The following DIPK1A variants were observed in gnomAD, a reference collection of about 807,000 sequenced individuals.
The protein encoded by DIPK1A is family with sequence similarity 69 member A.
DIPK1A carries 27 observed loss-of-function variants against 40.8 expected under a neutral mutation model. The observed-to-expected ratio is 0.66, with a 90% confidence interval of 0.49 to 0.91. The LOEUF (loss-of-function observed/expected upper bound fraction) is 0.91, where lower values mean the gene tolerates loss of function less well. DIPK1A is among the 40% of genes least tolerant of loss of function. The probability of loss-of-function intolerance (pLI) is 0.00; values close to 1 mark genes in which losing one functional copy is unlikely to be tolerated. For missense variants in DIPK1A, 412 were observed against 505.7 expected (o/e 0.81, Z 1.78); for synonymous variants, 166 against 171.3 (o/e 0.97, Z 0.24).
chr1:92,920,002 C>T (rs934634381), intron 1 of DIPK1A, among the ~76,000 whole-genome samples: 24 of 152,174 alleles, frequency 1.6e-4, no homozygotes, highest in African/African-American at 5.8e-4. Context: ...CAACTTGAGA[C>T]CCTATAGAAC....
intron 1 of DIPK1A, among the ~76,000 whole-genome samples, chr1:92,945,482 A>G (rs993913573): frequency 6.6e-6 from 1 of 152,170 alleles, no homozygotes; most frequent in Non-Finnish European, 1.5e-5. Context: ...AAGTAGTCCT[A>G]ACATAGAGTT....
intron 1 of DIPK1A, among the ~76,000 whole-genome samples, chr1:92,922,235 T>A (rs927031848): frequency 6.6e-6 from 1 of 152,078 alleles, no homozygotes; most frequent in Non-Finnish European, 1.5e-5. Context: ...CATGCTCATT[T>A]CAAAAGTAGA....
At chr1:92,879,254 T>C (rs1480010678) in intron 1 of DIPK1A, among the ~76,000 whole-genome samples, 1 of 152,154 alleles carries the variant, frequency 6.6e-6, no homozygotes, top group African/African-American at 2.4e-5. Context: ...TGAAAACCTG[T>C]AAAAAATGAC....
intron 1 of DIPK1A, among the ~76,000 whole-genome samples, chr1:92,897,431 A>G (rs1396892101): frequency 1.3e-5 from 2 of 151,838 alleles, no homozygotes; most frequent in African/African-American, 4.8e-5. Context: ...CCGCATGTTC[A>G]CACTCATAGG....
intron 1 of DIPK1A, among the ~76,000 whole-genome samples, chr1:92,877,949 T>G (rs2100778818): frequency 6.6e-6 from 1 of 152,334 alleles, no homozygotes; most frequent in Admixed American, 6.5e-5. Flanking sequence ...CAGCAAATGT[T>G]AGCTAAATCA....
chr1:92,864,762 G>A (rs1026994430), intron 2 of DIPK1A, among the ~76,000 whole-genome samples: 23 of 151,946 alleles, frequency 1.5e-4, no homozygotes, highest in Non-Finnish European at 2.4e-4. Flanking sequence ...TAACAAGGCC[G>A]GGTACAGTGG....
chr1:92,861,321 CT>C (rs71230876), intron 2 of DIPK1A, among the ~76,000 whole-genome samples: 1,044 of 83,436 alleles, frequency 0.013, 7 homozygotes, highest in African/African-American at 0.044. Flanking sequence ...CTCTCTCTCT[CT>C]TTTTTTTTTT....
chr1:92,898,898 G>A (rs1452311323), intron 1 of DIPK1A, among the ~76,000 whole-genome samples: 3 of 151,988 alleles, frequency 2.0e-5, no homozygotes, highest in Admixed American at 6.6e-5. Context: ...GAGTAGCTGC[G>A]ACCACAGACA....
intron 1 of DIPK1A, among the ~76,000 whole-genome samples, chr1:92,948,441 G>T (rs1160317385): frequency 6.6e-6 from 1 of 151,088 alleles, no homozygotes; most frequent in Non-Finnish European, 1.5e-5. Context: ...TTTTAAAAAG[G>T]TAATTAACTT....
At position 92,876,381 on chromosome 1, in the gene DIPK1A, A is replaced by G. The variant is rs1648126015; in HGVS notation, c.104T>C (p.Val35Ala). The G allele has an allele frequency of 1.9e-6, 3 of 1,613,374 alleles. No individual in the cohort carries two copies. Among genetic ancestry groups the G allele is most frequent in the South Asian group, 2.2e-5 (2 of 91,050 alleles). ...TATAATCCAGCTTCCAACAAAAACC[A>G]CTAACCAGGAAAAGAAAAGATATTT... ...RMKYLFFSWL[V>A]VFVGSWIIYV... The change falls in exon 2 of 5, where the codon GTG becomes GCG. Residue 35 changes from valine (V) to alanine (A), a missense_variant. Coordinates refer to ENST00000370310, the MANE Select transcript of DIPK1A (RefSeq NM_001006605.5).
intron 1 of DIPK1A, among the ~76,000 whole-genome samples, chr1:92,950,131 G>A (rs771037255): frequency 6.6e-6 from 1 of 152,274 alleles, no homozygotes; most frequent in East Asian, 1.9e-4. Flanking sequence ...CTGCTGAAAG[G>A]TCACTTCCTC....
chr1:92,878,741 A>AC (rs1313196981), intron 1 of DIPK1A, among the ~76,000 whole-genome samples: 3 of 151,730 alleles, frequency 2.0e-5, no homozygotes. Flanking sequence ...AATAGCGTGA[A>AC]CCCCGGGGGG....
chr1:92,835,365 A>G (rs1687076365), intron 4 of DIPK1A: 1 of 231,424 alleles, frequency 4.3e-6, no homozygotes, highest in South Asian at 6.1e-5. Context: ...AAAACTGGAG[A>G]ATCTTGGCTA....
At chr1:92,896,445 T>C (rs562356940) in intron 1 of DIPK1A, among the ~76,000 whole-genome samples, 298 of 152,304 alleles carry the variant, frequency 2.0e-3, no homozygotes, top group African/African-American at 6.3e-3. Flanking sequence ...AAAAACTGGC[T>C]AGCCATATAT....
At chr1:92,900,606 G>A (rs1649368905) in intron 1 of DIPK1A, among the ~76,000 whole-genome samples, 1 of 152,094 alleles carries the variant, frequency 6.6e-6, no homozygotes, top group South Asian at 2.1e-4. Flanking sequence ...GAAATTCACT[G>A]ATTTCCTTTT....
intron 1 of DIPK1A, among the ~76,000 whole-genome samples, chr1:92,936,594 A>G (rs1255939611): frequency 6.6e-6 from 1 of 151,086 alleles, no homozygotes; most frequent in Non-Finnish European, 1.5e-5. Context: ...ACACCACTGC[A>G]CTCCAGCCTG....
intron 1 of DIPK1A, chr1:92,931,464 A>G: frequency 5.7e-6 from 1 of 174,014 alleles, no homozygotes; most frequent in South Asian, 1.2e-4. Context: ...GCGGTGGCTC[A>G]TGCTTGCAAT....
In DIPK1A at chr1:92,883,843, G is replaced by T. The variant is rs185570530; in HGVS notation, c.55-7413C>A. On this transcript the variant is annotated intron_variant, in intron 1 of 4. Transcript: ENST00000370310. ...CTACTAGTAGGCATGGCTCACTGAG[G>T]GGTCTTCTTTGGAGACTAGCTACCA... is the stretch of plus-strand genomic sequence containing the variant. 2.5e-4 allele frequency among the ~76,000 whole-genome samples: 38 copies of T among 152,180 alleles called. No individual in the cohort carries two copies. In the East Asian group the frequency reaches 6.0e-3, roughly 24 times the overall value.
At chr1:92,959,653 G>T (rs543354719) in intron 1 of DIPK1A, among the ~76,000 whole-genome samples, 1 of 150,958 alleles carries the variant, frequency 6.6e-6, no homozygotes, top group East Asian at 1.9e-4. Context: ...GGGTTTCACC[G>T]TGTTAGCCAG....
Sources: gnomAD v4.1 joint callset for allele counts (sites outside exome capture counted in the v4.1 genomes callset) on GRCh38, gnomAD v4.1.1 for gene constraint, MANE v1.5 for transcripts, NCBI Gene and HGNC (gene_info 2026-07-23, HGNC 2026-07-21) for gene names.